The following DTNA variants were observed in gnomAD, a reference collection of about 807,000 sequenced individuals.
DTNA encodes dystrophin-related protein 3.
A neutral mutation model predicts 100.7 loss-of-function variants in DTNA; 43 were observed. That is an observed-to-expected ratio of 0.43 (90% CI 0.33 to 0.55). The LOEUF is 0.55. Among genes scored for constraint, DTNA ranks in the 20% least tolerant of loss-of-function variants. The pLI is 0.04. For synonymous variants in DTNA, 349 were observed against 347.9 expected (o/e 1.00, Z -0.04); for missense variants, 798 against 953.9 (o/e 0.84, Z 2.15).
At chr18:34,762,561 A>G (rs1197000904) in intron 2 of DTNA, among the ~76,000 whole-genome samples, 2 of 152,204 alleles carry the variant, frequency 1.3e-5, no homozygotes, top group African/African-American at 4.8e-5. Flanking sequence ...GGTTAAGTTC[A>G]TTGTTTGCTG....
intron 1 of DTNA, among the ~76,000 whole-genome samples, chr18:34,625,280 C>T (rs1028391730): frequency 6.6e-6 from 1 of 152,166 alleles, no homozygotes; most frequent in Non-Finnish European, 1.5e-5. Flanking sequence ...CCACCTGCCT[C>T]GGCCTCCCAA....
At chr18:34,661,831 C>A (rs2075239898) in intron 1 of DTNA, among the ~76,000 whole-genome samples, 1 of 152,062 alleles carries the variant, frequency 6.6e-6, no homozygotes, top group Non-Finnish European at 1.5e-5. Flanking sequence ...AAAAATGTGG[C>A]AGCTTTCAAA....
chr18:34,858,232 GT>G, intron 15 of DTNA, 52 bp from the exon 16 acceptor site: 3 of 1,565,624 alleles, frequency 1.9e-6, no homozygotes, highest in South Asian at 2.2e-5. Flanking sequence ...TCCGATGTTA[GT>G]TTCCTGAAAG....
rs567526794 is a variant in DTNA at position 34,757,721 on chromosome 18, T to C, written c.67+1678T>C. 2.0e-5 allele frequency among the ~76,000 whole-genome samples: 3 copies of C among 152,364 alleles called. No homozygotes were observed. In the South Asian group the frequency reaches 6.2e-4, roughly 32 times the overall value. On this transcript the variant is annotated intron_variant, in intron 2 of 22. Coordinates refer to ENST00000444659, the MANE Select transcript of DTNA (RefSeq NM_001386795.1). ...ATAGAAATAAGACAACTCTAAGTTT[T>C]TCTTCAAGTGACAGAGACTTAGGAA...
In DTNA at chr18:34,838,174, A is replaced by C. The variant is rs758486462; in HGVS notation, c.1253+3A>C. On this transcript the variant is annotated splice_donor_region_variant and intron_variant, in intron 12 of 22. Coordinates refer to ENST00000444659, the MANE Select transcript of DTNA (RefSeq NM_001386795.1). ...CCAGCTTTTCTGAAGGGCAAAGGGT[A>C]AGTTACAGCCAGAGTGTACTGGAAC... is the stretch of plus-strand genomic sequence containing the variant. 1 of 1,613,758 alleles carries C rather than the reference A, an allele frequency of 6.2e-7. No individual in the cohort carries two copies. The highest frequency in any genetic ancestry group is 8.5e-7 in the Non-Finnish European group (1 of 1,179,756).
intron 1 of DTNA, among the ~76,000 whole-genome samples, chr18:34,596,931 C>A (rs1198748733): frequency 6.6e-6 from 1 of 151,996 alleles, no homozygotes; most frequent in East Asian, 1.9e-4. Context: ...GATACATGTG[C>A]CATGGTGGTT....
intron 9 of DTNA, chr18:34,821,487 G>A (rs779199633): frequency 4.4e-6 from 2 of 456,344 alleles, no homozygotes; most frequent in South Asian, 1.5e-5. Flanking sequence ...TGTGAGTTTC[G>A]TGGCAGAAGG....
intron 1 of DTNA, among the ~76,000 whole-genome samples, chr18:34,735,351 A>G (rs573375370): frequency 6.6e-6 from 1 of 152,314 alleles, no homozygotes; most frequent in East Asian, 1.9e-4. Flanking sequence ...TTGCAGACAC[A>G]ATCAGGATCA....
chr18:34,685,950 G>C (rs1347011735), intron 1 of DTNA, among the ~76,000 whole-genome samples: 1 of 152,072 alleles, frequency 6.6e-6, no homozygotes, highest in East Asian at 1.9e-4. Flanking sequence ...GTCTATTACT[G>C]GTGTATAGGA....
chr18:34,883,314 T>TCA (rs1419136301), intron 21 of DTNA, among the ~76,000 whole-genome samples: 4 of 150,530 alleles, frequency 2.7e-5, no homozygotes, highest in Non-Finnish European at 4.4e-5. Flanking sequence ...CTTTTTTCCT[T>TCA]TTTTTTTTTC....
chr18:34,882,100 C>T lies in DTNA; in HGVS notation c.2194C>T (p.Pro732Ser). ...GGAGGATGCAGATCCCTATGTGCAG[C>T]CTGAAGATGAAAACTATGAAAATGA... ...VTEDADPYVQ[P>S]EDENYENDSV... The change falls in exon 21 of 23, where the codon CCT becomes TCT. Residue 732 changes from proline (P) to serine (S), a missense_variant. Physicochemically the swap from Pro to Ser is moderately conservative, Grantham distance 74 (BLOSUM62 -1). This residue lies in a region of DTNA where 242 missense variants were observed against 238.2 expected (regional missense o/e 1.02). Coordinates refer to ENST00000444659, the MANE Select transcript of DTNA (RefSeq NM_001386795.1). 17 of 1,613,998 alleles carry T rather than the reference C, an allele frequency of 1.1e-5. No individual in the cohort carries two copies. Among genetic ancestry groups the T allele is most frequent in the Non-Finnish European group, 1.4e-5 (17 of 1,179,968 alleles).
At chr18:34,842,603 A>T (rs1278631394) in intron 13 of DTNA, among the ~76,000 whole-genome samples, 1 of 151,956 alleles carries the variant, frequency 6.6e-6, no homozygotes, top group African/African-American at 2.4e-5. Context: ...TCAATTTTTG[A>T]TCAATTCCTC....
At chr18:34,673,612 T>C (rs142841222) in intron 1 of DTNA, among the ~76,000 whole-genome samples, 3 of 152,272 alleles carry the variant, frequency 2.0e-5, no homozygotes, top group East Asian at 1.9e-4. Context: ...AACAGTTGAC[T>C]GGATACCCAA....
intron 11 of DTNA, 69 bp downstream of exon 11, chr18:34,829,558 C>T: frequency 7.2e-7 from 1 of 1,381,872 alleles, no homozygotes. Flanking sequence ...AGTCATTCTA[C>T]TCTGGCACTA....
intron 1 of DTNA, among the ~76,000 whole-genome samples, chr18:34,507,662 A>G (rs1275476654): frequency 6.6e-6 from 1 of 152,188 alleles, no homozygotes; most frequent in African/African-American, 2.4e-5. Flanking sequence ...TTCTCACTCT[A>G]CTAGAGCAAT....
At chr18:34,803,687 A>T (rs1213985253) in intron 4 of DTNA, among the ~76,000 whole-genome samples, 2 of 152,148 alleles carry the variant, frequency 1.3e-5, no homozygotes, top group African/African-American at 2.4e-5. Context: ...GTTTAGGAAA[A>T]AAGCTAATTA....
intron 1 of DTNA, among the ~76,000 whole-genome samples, chr18:34,683,980 A>G (rs1045859892): frequency 5.9e-5 from 9 of 152,152 alleles, no homozygotes; most frequent in Non-Finnish European, 1.5e-5. Context: ...GGGTACACAT[A>G]TGTGGGAAAT....
intron 1 of DTNA, among the ~76,000 whole-genome samples, chr18:34,687,545 A>G (rs193183118): frequency 6.6e-6 from 1 of 152,176 alleles, no homozygotes; most frequent in Non-Finnish European, 1.5e-5. Flanking sequence ...TTTGTTGAGG[A>G]GTGTTTTGCT....
At chr18:34,841,023 CACTT>C (rs374143048) in intron 13 of DTNA, among the ~76,000 whole-genome samples, 1 of 152,020 alleles carries the variant, frequency 6.6e-6, no homozygotes, top group African/African-American at 2.4e-5. Flanking sequence ...GTTTTTAAAA[CACTT>C]ACCTCATGCC....
Sources: allele counts gnomAD v4.1 joint callset (sites outside exome capture counted in the v4.1 genomes callset), GRCh38; gene constraint gnomAD v4.1.1; regional missense constraint gnomAD v4.1.1; transcripts MANE v1.5; gene names NCBI Gene and HGNC (gene_info 2026-07-23, HGNC 2026-07-21).